ZFHX2: variants seen among roughly 807,000 people sequenced by gnomAD.
ZFHX2 encodes zinc finger homeobox 2.
In ZFHX2, 75 loss-of-function variants were observed where a neutral mutation model predicts 164.8. That is an observed-to-expected ratio of 0.46 (90% CI 0.38 to 0.55). The LOEUF is 0.55. ZFHX2 is among the 20% of genes least tolerant of loss of function. The probability of loss-of-function intolerance (pLI) is 0.00; values close to 1 mark genes in which losing one functional copy is unlikely to be tolerated. For missense variants in ZFHX2, 2,933 were observed against 3,308.0 expected (o/e 0.89, Z 2.78); for synonymous variants, 1,217 against 1,351.4 (o/e 0.90, Z 2.18).
Position 23,532,576 on chromosome 14 carries a change from T to A in ZFHX2, c.2550A>T (p.Gln850His). Reference sequence around the variant, plus strand: ...CCTGACCCAGCCTCACCTTATAGATTTGGCTGTTTTCTTCGTGGGCTGCAC... The same window carrying A: ...CCTGACCCAGCCTCACCTTATAGATATGGCTGTTTTCTTCGTGGGCTGCAC... ...ARGAAHEENS[Q>H]IYKFLLDMEG... is the part of the protein sequence containing the mutation. The change falls in exon 3 of 10, where the codon CAA becomes CAT. Residue 850 changes from glutamine to histidine, a missense_variant. Transcript: ENST00000419474. 1.4e-6 allele frequency: 2 copies of A among 1,441,708 alleles called. No individual in the cohort carries two copies. The highest frequency in any genetic ancestry group is 1.8e-6 in the Non-Finnish European group (2 of 1,101,102). The allele number at this position is 1,441,708 out of a possible 1,614,324, so 89.3% of individuals were successfully genotyped here. A position where few individuals can be genotyped will look rare whatever the true frequency, so the allele number is the denominator to read the frequency against.
In ZFHX2 at chr14:23,535,204, G is replaced by A; in HGVS notation, c.122C>T (p.Pro41Leu). Residue 41 changes from proline (P) to leucine (L), a missense_variant, in exon 2 of 10, where the codon CCC (proline) becomes CTC (leucine). By Grantham distance (98) the Pro-to-Leu change is moderately conservative. Transcript: ENST00000419474. The surrounding 1 kb of genome is among the most constrained non-coding windows in gnomAD (Gnocchi z 4.5). ...STPSDPVTKD[P>L]PAASSTSENM... ...CTCAGAGGTGGAGGAGGCAGCAGGG[G>A]GATCTTTGGTGACAGGATCAGAGGG... The A allele has an allele frequency of 2.0e-6, 3 of 1,529,370 alleles. No homozygotes were observed. Among genetic ancestry groups the A allele is most frequent in the Non-Finnish European group, 8.8e-7 (1 of 1,141,238 alleles). 94.7% of individuals were successfully genotyped at this position (1,529,370 alleles called of 1,614,324 possible).
intron 6 of ZFHX2, chr14:23,528,504 A>C: frequency 1.4e-6 from 1 of 737,732 alleles, no homozygotes; most frequent in Non-Finnish European, 1.7e-6. Flanking sequence ...TCTCTTACCT[A>C]TCCTATCCTG....
In ZFHX2 at chr14:23,521,942, C is replaced by T. The variant is rs1878048000; in HGVS notation, c.*20G>A. 6.5e-7 allele frequency: 1 copy of T among 1,535,654 alleles called. No homozygotes were observed. Among genetic ancestry groups the T allele is most frequent in the East Asian group, 2.4e-5 (1 of 40,924 alleles). On this transcript the variant is annotated 3_prime_UTR_variant, in exon 10 of 10. Coordinates refer to ENST00000419474, the MANE Select transcript of ZFHX2 (RefSeq NM_033400.3). ...AGGGAGCCCTGAGGCCCTCCCCTCT[C>T]CCCATCTTGGTTAATCTGTTTATAA...
rs750492668 is a variant in ZFHX2 at position 23,533,845 on chromosome 14, C to T, written c.1481G>A (p.Arg494His). 2.4e-5 allele frequency: 37 copies of T among 1,539,328 alleles called. No individual in the cohort carries two copies. The highest frequency in any genetic ancestry group is 3.3e-4 in the Middle Eastern group (2 of 5,990). ...GTTGTAGCTCTCTCCACGAGCAAGG[C>T]GGGGGTGGGCGCCCCCAGCACTGCA... ...SYCSAGGAHP[R>H]LARGESYNCG... Residue 494 changes from arginine to histidine, a missense_variant, in exon 2 of 10, where the codon CGC becomes CAC. Transcript: ENST00000419474. This position sits in a 1 kb window ranked among gnomAD's most constrained non-coding sequence, Gnocchi z 4.8.
Position 23,535,460 on chromosome 14 carries a change from C to T in ZFHX2, c.-49-86G>A. The T allele has an allele frequency of 2.6e-6, 3 of 1,153,490 alleles. No homozygotes were observed. The highest frequency in any genetic ancestry group is 1.1e-6 in the Non-Finnish European group (1 of 881,730). 71.5% of individuals were successfully genotyped at this position (1,153,490 alleles called of 1,614,324 possible). A position where few individuals can be genotyped will look rare whatever the true frequency, so the allele number is the denominator to read the frequency against. ...GGATCTCTGGATACTCCTGCCCCAT[C>T]CTCTTCCCTGAACACCAGACTCAGA... is the stretch of plus-strand genomic sequence containing the variant. On this transcript the variant is annotated intron_variant, in intron 1 of 9. Transcript: ENST00000419474. The surrounding 1 kb of genome is among the most constrained non-coding windows in gnomAD (Gnocchi z 4.5).
Position 23,521,981 on chromosome 14 carries a change from G to T in ZFHX2, c.7700C>A (p.Ser2567Tyr), listed in dbSNP as rs779724309. 1 of 1,536,386 alleles carries T rather than the reference G, an allele frequency of 6.5e-7. No individual in the cohort carries two copies. Among genetic ancestry groups the T allele is most frequent in the South Asian group, 1.2e-5 (1 of 84,032 alleles). Residue 2567 changes from serine (S) to tyrosine (Y), a missense_variant, in exon 10 of 10, where the codon TCT (serine) becomes TAT (tyrosine). By Grantham distance (144) the Ser-to-Tyr change is moderately radical. Coordinates refer to ENST00000419474, the MANE Select transcript of ZFHX2 (RefSeq NM_033400.3). ...ATCTGTTTATAAAGCTAGAAGTGTA[G>T]AGGTAGTCGTAGTTTTTGGGTTGGA... Reference protein sequence around the residue: ...TDSNPKTTTTSTLLAL With the variant: ...TDSNPKTTTTYTLLAL
chr14:23,524,661 C>T lies in ZFHX2; in HGVS notation c.5281G>A (p.Ala1761Thr), dbSNP rs192759008. 3 of 1,536,162 alleles carry T rather than the reference C, an allele frequency of 2.0e-6. No homozygotes were observed. Among genetic ancestry groups the T allele is most frequent in the African/African-American group, 1.4e-5 (1 of 72,996 alleles). Residue 1761 changes from alanine (A) to threonine (T), a missense_variant, in exon 9 of 10, where the codon GCT becomes ACT. Physicochemically the swap from Ala to Thr is moderately conservative, Grantham distance 58. Transcript: ENST00000419474. The surrounding 1 kb of genome is among the most constrained non-coding windows in gnomAD (Gnocchi z 5.6). ...KAGGKEPEEK[A>T]TPSPSPAHTC... ...TGGGCTGGGGAAGGTGATGGAGTAG[C>T]CTTCTCTTCAGGCTCTTTGCCTCCT... is the stretch of plus-strand genomic sequence containing the variant.
rs944933357 is a variant in ZFHX2, at chr14:23,527,781, G to T, written c.2958C>A (p.Ser986Arg). The T allele has an allele frequency of 2.0e-6, 3 of 1,535,854 alleles. No individual in the cohort carries two copies. In the African/African-American group the frequency reaches 4.1e-5, roughly 21 times the overall value. The change falls in exon 7 of 10, where the codon AGC becomes AGA. Residue 986 changes from serine (S) to arginine (R), a missense_variant. Ser to Arg is a moderately radical substitution (Grantham distance 110). Transcript: ENST00000419474. The stretch of plus-strand genomic sequence containing the variant: ...CCTGGCTGGACTCTGGGCTCAGGAA[G>T]CTGCAGTATGGACAGCAGTATACCT... ...QTTVYCCPYC[S>R]FLSPESSQVR...
At chr14:23,528,348 C>T (rs982291570) in intron 6 of ZFHX2, among the ~76,000 whole-genome samples, 1 of 152,194 alleles carries the variant, frequency 6.6e-6, no homozygotes, top group African/African-American at 2.4e-5. Flanking sequence ...CGCTACCTTG[C>T]ACTCCTTCTT....
chr14:23,524,472 G>C lies in ZFHX2; in HGVS notation c.5470C>G (p.Pro1824Ala). ...CGTTTGAGAGGTGGACCTGGCATTG[G>C]TGAGGTGGCTGCCACCAGGGGGTTT... is the stretch of plus-strand genomic sequence containing the variant. The part of the protein sequence containing the change: ...ERNPLVAATS[P>A]MPGPPLKRKH... Residue 1824 changes from proline to alanine, a missense_variant, in exon 9 of 10, where the codon CCA (proline) becomes GCA (alanine). Coordinates refer to ENST00000419474, the MANE Select transcript of ZFHX2 (RefSeq NM_033400.3). The surrounding 1 kb of genome is among the most constrained non-coding windows in gnomAD (Gnocchi z 5.6). The C allele has an allele frequency of 2.0e-6, 3 of 1,533,548 alleles. No homozygotes were observed. Among genetic ancestry groups the C allele is most frequent in the Non-Finnish European group, 2.6e-6 (3 of 1,145,230 alleles). 95.0% of individuals were successfully genotyped at this position (1,533,548 alleles called of 1,614,324 possible).
Position 23,526,106 on chromosome 14 carries a change from G to A in ZFHX2, c.3836C>T (p.Thr1279Ile), listed in dbSNP as rs1254651491. The change falls in exon 9 of 10, where the codon ACC becomes ATC. Residue 1279 changes from threonine to isoleucine, a missense_variant. Transcript: ENST00000419474. ...SVLHQTRSRG[T>I]KTDSKIEGPE... Reference sequence around the variant, plus strand: ...CCCTTCAATCTTGGAATCAGTCTTGGTTCCCCGAGAGCGAGTCTGATGCAG... The same window carrying A: ...CCCTTCAATCTTGGAATCAGTCTTGATTCCCCGAGAGCGAGTCTGATGCAG... 1.5e-5 allele frequency: 23 copies of A among 1,536,338 alleles called. No individual in the cohort carries two copies. In the East Asian group the frequency reaches 5.6e-4, roughly 38 times the overall value.
upstream of ZFHX2, among the ~76,000 whole-genome samples, chr14:23,553,627 G>A (rs2138962621): frequency 6.6e-6 from 1 of 152,090 alleles, no homozygotes; most frequent in East Asian, 1.9e-4. Context: ...GGGCGTGGTG[G>A]CTCACACCTG....
chr14:23,535,500 C>A lies in ZFHX2; in HGVS notation c.-49-126G>T, dbSNP rs112604553. 17 of 649,952 alleles carry A rather than the reference C, an allele frequency of 2.6e-5. 1 individual carries two copies. The highest frequency in any genetic ancestry group is 2.4e-4 in the African/African-American group (13 of 55,042). The allele number at this position is 649,952 out of a possible 1,614,324, so 40.3% of individuals were successfully genotyped here. ...CCAGACTCAGACACCACTTTGCTAACCTGAAATTTCACTTAGTGTCTAACA... is the reference window on the plus strand; with the variant it reads ...CCAGACTCAGACACCACTTTGCTAAACTGAAATTTCACTTAGTGTCTAACA... On this transcript the variant is annotated intron_variant, in intron 1 of 9. Transcript: ENST00000419474. This position sits in a 1 kb window ranked among gnomAD's most constrained non-coding sequence, Gnocchi z 4.5.
chr14:23,547,759 T>C (rs1881539297), intron 1 of ZFHX2, among the ~76,000 whole-genome samples: 1 of 152,190 alleles, frequency 6.6e-6, no homozygotes, highest in Admixed American at 6.5e-5. Flanking sequence ...TGGGCAACTC[T>C]TTCCCCCAGC....
At chr14:23,538,107 C>T (rs1880388835) in intron 1 of ZFHX2, 1 of 152,254 alleles carries the variant, frequency 6.6e-6, no homozygotes, top group African/African-American at 2.4e-5. Context: ...CATCTATTTC[C>T]TAGAACTGGA....
chr14:23,544,818 C>T (rs979400300), intron 1 of ZFHX2, among the ~76,000 whole-genome samples: 13 of 152,182 alleles, frequency 8.5e-5, no homozygotes, highest in African/African-American at 2.9e-4. Flanking sequence ...GCCCTGGCCA[C>T]GTTCTTTCCC....
Position 23,522,320 on chromosome 14 carries a change from C to T in ZFHX2, c.7361G>A (p.Arg2454His), listed in dbSNP as rs1471234066. Residue 2454 changes from arginine to histidine, a missense_variant, in exon 10 of 10, where the codon CGC (arginine) becomes CAC (histidine). Arg to His is a conservative substitution (Grantham distance 29). Coordinates refer to ENST00000419474, the MANE Select transcript of ZFHX2 (RefSeq NM_033400.3). ...CCCGTCAAATGCCATCTTGCACTGG[C>T]GGCACAGGTAGCGATGGGTTACATC... ...TVDVTHRYLC[R>H]QCKMAFDGEA... is the part of the protein sequence containing the mutation. The T allele has an allele frequency of 2.8e-5, 43 of 1,526,852 alleles. No individual in the cohort carries two copies. The East Asian group carries it at 7.4e-4, about 26-fold the overall frequency. 94.6% of individuals were successfully genotyped at this position (1,526,852 alleles called of 1,614,324 possible).
At chr14:23,555,864 C>G (rs1205737535), upstream of ZFHX2, 1 of 152,288 alleles carries the variant, frequency 6.6e-6, no homozygotes, top group Non-Finnish European at 1.5e-5. Context: ...CCCGACTCTC[C>G]CCGCCGCCTT....
intron 4 of ZFHX2, chr14:23,530,480 C>T (rs1879398695): frequency 3.2e-6 from 2 of 615,808 alleles, no homozygotes; most frequent in Non-Finnish European, 6.0e-6. Context: ...CAAGACCAAA[C>T]TCAGCTCCCT....
Sources: allele counts gnomAD v4.1 joint callset (sites outside exome capture counted in the v4.1 genomes callset), GRCh38; gene constraint gnomAD v4.1.1; non-coding constraint Gnocchi (gnomAD v3.1); transcripts MANE v1.5; gene names NCBI Gene and HGNC (gene_info 2026-07-23, HGNC 2026-07-21).